The following PCDHGB6 variants were observed in gnomAD, a reference collection of about 807,000 sequenced individuals.
The protein encoded by PCDHGB6 is protocadherin gamma-B6.
PCDHGB6 carries 51 observed loss-of-function variants against 59.1 expected under a neutral mutation model. The ratio of observed to expected loss-of-function variants is 0.86; its 90% CI spans 0.69 to 1.09. The LOEUF (loss-of-function observed/expected upper bound fraction) is 1.09, where lower values mean the gene tolerates loss of function less well. Among genes scored for constraint, PCDHGB6 ranks in the 50% least tolerant of loss-of-function variants. PCDHGB6 has a pLI of 0.00. For missense variants in PCDHGB6, 1,148 were observed against 1,205.1 expected, an observed-to-expected ratio of 0.95 and a Z score of 0.70; for synonymous variants, 466 against 495.1, an observed-to-expected ratio of 0.94 and a Z score of 0.78.
At chr5:141,416,641 C>A (rs996381588) in intron 1 of PCDHGB6, 1 of 152,056 alleles carries the variant, frequency 6.6e-6, no homozygotes, top group Non-Finnish European at 1.5e-5. Context: ...AAACACCAAC[C>A]ACAGCTGTAA....
rs1301787934 is a variant in PCDHGB6 at position 141,476,164 on chromosome 5, A to G, written c.2419-18643A>G. Reference sequence around the variant, plus strand: ...GCGGACTGGTAAGCACCGGGAGGGTAGTGGGAGTTTTGCTTCTGCTTGGTG... The same window carrying G: ...GCGGACTGGTAAGCACCGGGAGGGTGGTGGGAGTTTTGCTTCTGCTTGGTG... On this transcript the variant is annotated intron_variant, in intron 1 of 3. Transcript: ENST00000520790. This position sits in a 1 kb window ranked among gnomAD's most constrained non-coding sequence, Gnocchi z 7.6. 6.2e-7 allele frequency: 1 copy of G among 1,613,116 alleles called. No individual in the cohort carries two copies.
Position 141,511,126 on chromosome 5 carries a change from G to A in PCDHGB6, c.2746G>A (p.Gly916Ser). The A allele has an allele frequency of 1.9e-6, 3 of 1,614,212 alleles. No individual in the cohort carries two copies. The highest frequency in any genetic ancestry group is 2.2e-5 in the South Asian group (2 of 91,086). The change falls in exon 4 of 4, where the codon GGT becomes AGT. Residue 916 changes from glycine to serine, a missense_variant. Coordinates refer to ENST00000520790, the MANE Select transcript of PCDHGB6 (RefSeq NM_018926.3). ...AGKRDGKAPA[G>S]GNGNKKKSGK... ...CAAGCGGGATGGCAAGGCCCCAGCA[G>A]GTGGCAATGGCAACAAGAAGAAGTC...
intron 2 of PCDHGB6, among the ~76,000 whole-genome samples, chr5:141,495,440 A>G (rs2099761377): frequency 6.6e-6 from 1 of 151,898 alleles, no homozygotes; most frequent in African/African-American, 2.4e-5. Context: ...CTCTGCCCCT[A>G]CTTGTCCTGC....
intron 1 of PCDHGB6, among the ~76,000 whole-genome samples, chr5:141,483,832 G>A (rs994540286): frequency 2.0e-5 from 3 of 152,134 alleles, no homozygotes; most frequent in African/African-American, 7.2e-5. Context: ...ACCTAGGTAA[G>A]GACTTGGTTG....
intron 1 of PCDHGB6, among the ~76,000 whole-genome samples, chr5:141,466,443 C>T (rs906096545): frequency 6.6e-6 from 1 of 152,186 alleles, no homozygotes; most frequent in African/African-American, 2.4e-5. Context: ...ACCGAGATGT[C>T]TATGGTGTTG....
At chr5:141,421,318 C>A (rs370020854) in intron 1 of PCDHGB6, 1 of 1,613,822 alleles carries the variant, frequency 6.2e-7, no homozygotes. Context: ...CCGGGCCAGG[C>A]AGATCCGATA....
chr5:141,428,293 C>T, intron 1 of PCDHGB6: 1 of 716,436 alleles, frequency 1.4e-6, no homozygotes, highest in South Asian at 1.6e-5. Context: ...AGCAAAGCTG[C>T]AGATTTACCT....
chr5:141,495,108 C>G (rs1304714928), intron 2 of PCDHGB6, among the ~76,000 whole-genome samples: 1 of 152,176 alleles, frequency 6.6e-6, no homozygotes, highest in Admixed American at 6.5e-5. Context: ...ACGACCGGCA[C>G]CTTTTCCTAT....
In PCDHGB6 at chr5:141,414,837, G is replaced by C. The variant is rs776651290; in HGVS notation, c.2418+4217G>C. On this transcript the variant is annotated intron_variant, in intron 1 of 3. Coordinates refer to ENST00000520790, the MANE Select transcript of PCDHGB6 (RefSeq NM_018926.3). ...TCAGCAGCAACGTGTCGTTGAGCCT[G>C]TTTGTGCTGGACCAGAACGACAATG... The C allele has an allele frequency of 2.4e-5, 38 of 1,614,232 alleles. No homozygotes were observed. In the Admixed American group the frequency reaches 5.8e-4, roughly 25 times the overall value.
At chr5:141,466,279 T>A (rs1386803685) in intron 1 of PCDHGB6, among the ~76,000 whole-genome samples, 1 of 152,144 alleles carries the variant, frequency 6.6e-6, no homozygotes, top group Non-Finnish European at 1.5e-5. Flanking sequence ...CAAGCAATCT[T>A]CCCACCTCAG....
intron 1 of PCDHGB6, among the ~76,000 whole-genome samples, chr5:141,456,483 CTTAATA>C (rs2098861684): frequency 1.3e-5 from 2 of 152,072 alleles, no homozygotes; most frequent in African/African-American, 4.8e-5. Context: ...CAAGAGAGTG[CTTAATA>C]AAGGGGTTAA....
At chr5:141,417,821 A>C in intron 1 of PCDHGB6, 3 of 1,515,060 alleles carry the variant, frequency 2.0e-6, no homozygotes, top group Non-Finnish European at 1.8e-6. Context: ...ACTTTCTCCA[A>C]CTGGAAAAGC....
rs2095149334 is a variant in PCDHGB6, at chr5:141,408,677, G to A, written c.475G>A (p.Asp159Asn). ...ACGACTATCGCTTGACCCTGCCACG[G>A]ATCCTGATATAAACATAAACTCAAT... is the stretch of plus-strand genomic sequence containing the variant. ...GTRLSLDPATDPDININSIKD... is the reference protein window; with the variant it reads ...GTRLSLDPATNPDININSIKD... The change falls in exon 1 of 4, where the codon GAT becomes AAT. Residue 159 changes from aspartate to asparagine, a missense_variant. This residue lies in a region of PCDHGB6 where 307 missense variants were observed against 323.8 expected (regional missense o/e 0.95). Coordinates refer to ENST00000520790, the MANE Select transcript of PCDHGB6 (RefSeq NM_018926.3). 6.2e-7 allele frequency: 1 copy of A among 1,613,898 alleles called. No individual in the cohort carries two copies.
chr5:141,449,498 A>G (rs1190732747), intron 1 of PCDHGB6, among the ~76,000 whole-genome samples: 7 of 150,506 alleles, frequency 4.7e-5, no homozygotes, highest in Non-Finnish European at 8.9e-5. Flanking sequence ...GTGAGGCATG[A>G]GAAATGCTTG....
At chr5:141,457,098 T>G (rs1179930043) in intron 1 of PCDHGB6, among the ~76,000 whole-genome samples, 1 of 152,242 alleles carries the variant, frequency 6.6e-6, no homozygotes, top group Non-Finnish European at 1.5e-5. Flanking sequence ...AGGATACTAA[T>G]TAAGCAAAAT....
chr5:141,432,873 T>G lies in PCDHGB6; in HGVS notation c.2418+22253T>G, dbSNP rs753576338. The stretch of plus-strand genomic sequence containing the variant: ...GTGGCCGCGGTCTCCTGCGTCTTCC[T>G]GGCCTTCGTCATCTTGCTGCTGGCG... On this transcript the variant is annotated intron_variant, in intron 1 of 3. Transcript: ENST00000520790. This position sits in a 1 kb window ranked among gnomAD's most constrained non-coding sequence, Gnocchi z 6.0. 4 of 1,614,204 alleles carry G rather than the reference T, an allele frequency of 2.5e-6. No homozygotes were observed. The highest frequency in any genetic ancestry group is 3.4e-6 in the Non-Finnish European group (4 of 1,180,014).
At chr5:141,419,686 G>T (rs551990092) in intron 1 of PCDHGB6, 2 of 1,612,878 alleles carry the variant, frequency 1.2e-6, no homozygotes, top group South Asian at 1.1e-5. Flanking sequence ...ACCACGTGGT[G>T]CAGGCCAGTG....
intron 1 of PCDHGB6, chr5:141,416,540 G>T (rs1439132249): frequency 6.6e-6 from 1 of 151,974 alleles, no homozygotes; most frequent in Non-Finnish European, 1.5e-5. Flanking sequence ...GTATAAGGAG[G>T]CAAACACCTG....
chr5:141,416,178 C>G (rs1392436592), intron 1 of PCDHGB6: 3 of 152,408 alleles, frequency 2.0e-5, no homozygotes, highest in African/African-American at 2.4e-5. Context: ...CTAAGTTTTT[C>G]ATTAATATTG....
Sources: allele counts gnomAD v4.1 joint callset (sites outside exome capture counted in the v4.1 genomes callset), GRCh38; gene constraint gnomAD v4.1.1; regional missense constraint gnomAD v4.1.1; non-coding constraint Gnocchi (gnomAD v3.1); transcripts MANE v1.5; gene names NCBI Gene and HGNC (gene_info 2026-07-23, HGNC 2026-07-21).